The following KCTD8 variants were observed in gnomAD, a reference collection of about 807,000 sequenced individuals.
The protein encoded by KCTD8 is potassium channel tetramerization domain containing 8.
A neutral mutation model predicts 31.5 loss-of-function variants in KCTD8; 27 were observed. The ratio of observed to expected loss-of-function variants is 0.86; its 90% CI spans 0.63 to 1.18. KCTD8 has a LOEUF of 1.18. Among genes scored for constraint, KCTD8 ranks in the 50% most tolerant of loss-of-function variants. The pLI is 0.00. For synonymous variants in KCTD8, 290 were observed against 280.0 expected, an observed-to-expected ratio of 1.04 and a Z score of -0.36; for missense variants, 658 against 647.7, an observed-to-expected ratio of 1.02 and a Z score of -0.17.
intron 1 of KCTD8, among the ~76,000 whole-genome samples, chr4:44,417,422 G>A (rs961315213): frequency 4.6e-5 from 7 of 151,936 alleles, no homozygotes; most frequent in East Asian, 1.9e-4. Flanking sequence ...CTTTGAAGAC[G>A]ATTTTGAAAT....
In KCTD8 at chr4:44,447,637, G is replaced by A. The variant is rs1397811564; in HGVS notation, c.887C>T (p.Ser296Leu). 2.5e-6 allele frequency: 4 copies of A among 1,608,576 alleles called. No homozygotes were observed. The highest frequency in any genetic ancestry group is 1.1e-5 in the South Asian group (1 of 89,898). Residue 296 changes from serine (S) to leucine (L), a missense_variant, in exon 1 of 2, where the codon TCG becomes TTG. Transcript: ENST00000360029. Reference sequence around the variant, plus strand: ...CTGGTTGACGAAGGCGGCGGTGCCCGAGGAGTTACACGCCACCATGTGGAA... The same window carrying A: ...CTGGTTGACGAAGGCGGCGGTGCCCAAGGAGTTACACGCCACCATGTGGAA... The part of the protein sequence containing the change: ...AGFHMVACNS[S>L]GTAAFVNQYR...
intron 1 of KCTD8, among the ~76,000 whole-genome samples, chr4:44,240,014 G>T (rs1254143018): frequency 6.6e-6 from 1 of 152,150 alleles, no homozygotes; most frequent in Non-Finnish European, 1.5e-5. Flanking sequence ...AATCAGAGAT[G>T]CAACCTAATA....
intron 1 of KCTD8, among the ~76,000 whole-genome samples, chr4:44,287,182 C>T (rs1005690342): frequency 6.6e-6 from 1 of 151,794 alleles, no homozygotes; most frequent in Non-Finnish European, 1.5e-5. Context: ...TTTGGGAGAC[C>T]GAAGGAGGAG....
chr4:44,237,777 C>A (rs1192500292), intron 1 of KCTD8, among the ~76,000 whole-genome samples: 2 of 152,056 alleles, frequency 1.3e-5, no homozygotes, highest in Non-Finnish European at 2.9e-5. Context: ...TTAATCTGCC[C>A]ACTTGGTTTG....
At chr4:44,379,316 T>G (rs370946135) in intron 1 of KCTD8, among the ~76,000 whole-genome samples, 2 of 152,206 alleles carry the variant, frequency 1.3e-5, no homozygotes. Flanking sequence ...ACAATGTAAA[T>G]GAAAAATGAC....
chr4:44,424,634 A>G (rs996589061), intron 1 of KCTD8, among the ~76,000 whole-genome samples: 3 of 152,070 alleles, frequency 2.0e-5, no homozygotes, highest in Non-Finnish European at 4.4e-5. Context: ...TTCAGACTTT[A>G]GCCCAGAAAA....
chr4:44,293,798 C>T (rs552148366), intron 1 of KCTD8: 47 of 451,320 alleles, frequency 1.0e-4, no homozygotes, highest in African/African-American at 6.4e-4. Context: ...TTTGAACTTA[C>T]GTAAGATTGA....
chr4:44,294,586 A>G (rs547658550), intron 1 of KCTD8, among the ~76,000 whole-genome samples: 1 of 152,166 alleles, frequency 6.6e-6, no homozygotes, highest in African/African-American at 2.4e-5. Flanking sequence ...AACTGAAAAA[A>G]ATTTCCTTAT....
At chr4:44,265,682 A>T (rs1439824641) in intron 1 of KCTD8, among the ~76,000 whole-genome samples, 2 of 152,182 alleles carry the variant, frequency 1.3e-5, no homozygotes, top group African/African-American at 4.8e-5. Context: ...AATAACCAAT[A>T]CAGAGAAGTG....
At chr4:44,223,121 T>A (rs13115654) in intron 1 of KCTD8, among the ~76,000 whole-genome samples, 36,690 of 152,094 alleles carry the variant, frequency 0.24, 4,539 homozygotes, top group South Asian at 0.33. Context: ...AATAGATGGA[T>A]TTTTAAAAAT....
intron 1 of KCTD8, among the ~76,000 whole-genome samples, chr4:44,295,685 C>G (rs1717408809): frequency 1.3e-5 from 2 of 151,996 alleles, no homozygotes; most frequent in African/African-American, 4.8e-5. Flanking sequence ...TCTCATAGTT[C>G]TAGAGGCTTA....
intron 1 of KCTD8, among the ~76,000 whole-genome samples, chr4:44,313,617 G>T (rs1422452844): frequency 6.6e-6 from 1 of 152,154 alleles, no homozygotes; most frequent in East Asian, 1.9e-4. Flanking sequence ...AATAAGCCAG[G>T]TCCTGTTTAG....
chr4:44,225,815 C>CTTTTT (rs35751540), intron 1 of KCTD8, among the ~76,000 whole-genome samples: 8 of 74,446 alleles, frequency 1.1e-4, no homozygotes, highest in African/African-American at 1.6e-4. Flanking sequence ...GGTTTTGTCT[C>CTTTTT]TTTTTTTTTT....
intron 1 of KCTD8, among the ~76,000 whole-genome samples, chr4:44,261,348 G>C (rs992424520): frequency 1.3e-5 from 2 of 151,836 alleles, no homozygotes; most frequent in Non-Finnish European, 2.9e-5. Context: ...CAGCAAGTTT[G>C]GTTCTGAAAA....
intron 1 of KCTD8, among the ~76,000 whole-genome samples, chr4:44,292,475 G>C (rs1452526714): frequency 7.9e-5 from 12 of 152,130 alleles, no homozygotes; most frequent in Non-Finnish European, 1.5e-5. Context: ...ATTACTAGAA[G>C]TAGAGAGGGA....
chr4:44,188,314 C>T (rs1713652563), intron 1 of KCTD8, among the ~76,000 whole-genome samples: 1 of 152,162 alleles, frequency 6.6e-6, no homozygotes, highest in African/African-American at 2.4e-5. Context: ...ATGTGCATAG[C>T]AGGGTTTAAT....
intron 1 of KCTD8, among the ~76,000 whole-genome samples, chr4:44,434,491 C>A (rs769642558): frequency 6.6e-6 from 1 of 151,846 alleles, no homozygotes; most frequent in Non-Finnish European, 1.5e-5. Flanking sequence ...GGTATAAATG[C>A]AGCCCTGGTT....
chr4:44,335,800 A>T (rs1009424863), intron 1 of KCTD8, among the ~76,000 whole-genome samples: 8 of 152,168 alleles, frequency 5.3e-5, no homozygotes, highest in Admixed American at 1.3e-4. Flanking sequence ...AAAGAGAAAA[A>T]CATCCTTTGA....
chr4:44,318,801 T>C (rs140968379), intron 1 of KCTD8, among the ~76,000 whole-genome samples: 16 of 152,344 alleles, frequency 1.1e-4, no homozygotes, highest in Non-Finnish European at 1.9e-4. Context: ...TATTTATTGT[T>C]GCTGCTGTTC....
Sources: allele counts gnomAD v4.1 joint callset (sites outside exome capture counted in the v4.1 genomes callset), GRCh38; gene constraint gnomAD v4.1.1; transcripts MANE v1.5; gene names NCBI Gene and HGNC (gene_info 2026-07-23, HGNC 2026-07-21).